Variants in ILRUN observed in about 807,000 individuals in gnomAD.
ILRUN encodes protein ILRUN.
Under a neutral mutation model 33.8 loss-of-function variants are expected in ILRUN, and 3 were observed. The observed-to-expected ratio is 0.09, with a 90% CI of 0.04 to 0.23. The LOEUF (loss-of-function observed/expected upper bound fraction) is 0.23. Among genes scored for constraint, ILRUN ranks in the 10% least tolerant of loss-of-function variants. The pLI is 1.00. For synonymous variants in ILRUN, 124 were observed against 138.9 expected, an observed-to-expected ratio of 0.89 and a Z score of 0.75; for missense variants, 210 against 375.1, an observed-to-expected ratio of 0.56 and a Z score of 3.64.
intron 3 of ILRUN, among the ~76,000 whole-genome samples, chr6:34,607,896 C>T (rs920388159): frequency 6.6e-6 from 1 of 152,058 alleles, no homozygotes; most frequent in Non-Finnish European, 1.5e-5. Flanking sequence ...AGTTTGAGAC[C>T]GTCCTGGGTG....
intron 4 of ILRUN, among the ~76,000 whole-genome samples, chr6:34,591,959 G>A (rs933615821): frequency 6.6e-6 from 1 of 152,186 alleles, no homozygotes; most frequent in Admixed American, 6.5e-5. Flanking sequence ...TTGGCTGAGT[G>A]GAAGAAGCTT....
chr6:34,649,057 G>A (rs1269334633), intron 2 of ILRUN, among the ~76,000 whole-genome samples: 4 of 152,136 alleles, frequency 2.6e-5, no homozygotes, highest in Admixed American at 2.6e-4. Flanking sequence ...TTTGGCTAGG[G>A]TCCTGCCCTT....
chr6:34,662,283 G>A (rs1484473027), intron 1 of ILRUN, among the ~76,000 whole-genome samples: 1 of 149,320 alleles, frequency 6.7e-6, no homozygotes, highest in African/African-American at 2.5e-5. Context: ...TCCAGCCTGG[G>A]TGACAGAGCA....
intron 1 of ILRUN, among the ~76,000 whole-genome samples, chr6:34,694,100 T>C (rs1029227086): frequency 2.0e-4 from 31 of 152,286 alleles, no homozygotes; most frequent in African/African-American, 7.2e-4. Context: ...GCTGGGATTA[T>C]AGGCGTGCAG....
intron 1 of ILRUN, among the ~76,000 whole-genome samples, chr6:34,683,449 T>C (rs982277292): frequency 3.8e-5 from 4 of 105,356 alleles, no homozygotes; most frequent in East Asian, 4.8e-4. Flanking sequence ...TACATATATA[T>C]ATACATATAT....
intron 3 of ILRUN, among the ~76,000 whole-genome samples, chr6:34,615,650 G>C (rs1761872269): frequency 6.6e-6 from 1 of 152,094 alleles, no homozygotes; most frequent in Admixed American, 6.6e-5. Flanking sequence ...ACTTTCTATG[G>C]AGAGAATTGA....
chr6:34,662,034 A>C (rs1367309820), intron 1 of ILRUN, among the ~76,000 whole-genome samples: 4 of 145,964 alleles, frequency 2.7e-5, no homozygotes, highest in Non-Finnish European at 4.5e-5. Context: ...CTGAGGCAGG[A>C]GAATGGCGTG....
At chr6:34,635,356 C>CCCGTCTCTAAT in intron 3 of ILRUN, among the ~76,000 whole-genome samples, 1 of 152,076 alleles carries the variant, frequency 6.6e-6, no homozygotes, top group East Asian at 1.9e-4. Context: ...ATAGCAAAAC[C>CCCGTCTCTAAT]CCGTCTCTAA....
chr6:34,681,176 C>T (rs1432335191), intron 1 of ILRUN, among the ~76,000 whole-genome samples: 1 of 151,988 alleles, frequency 6.6e-6, no homozygotes, highest in Non-Finnish European at 1.5e-5. Context: ...AGAGGCTGAC[C>T]TCTTATGAAT....
At chr6:34,676,316 T>C (rs941274185) in intron 1 of ILRUN, among the ~76,000 whole-genome samples, 15 of 151,846 alleles carry the variant, frequency 9.9e-5, no homozygotes, top group African/African-American at 2.7e-4. Flanking sequence ...GGAGGATAAT[T>C]TGAGTCTGGG....
At position 34,696,743 on chromosome 6, in the gene ILRUN, A is replaced by T. The variant is rs1387799022; in HGVS notation, c.-140T>A. The T allele has an allele frequency of 1.4e-6, 1 of 729,562 alleles. No individual in the cohort carries two copies. Among genetic ancestry groups the T allele is most frequent in the Non-Finnish European group, 2.2e-6 (1 of 457,352 alleles). The allele number at this position is 729,562 out of a possible 1,614,324, so 45.2% of individuals were successfully genotyped here. A position where few individuals can be genotyped will look rare whatever the true frequency, so the allele number is the denominator to read the frequency against. ...TTGAGGTAGGCCCCGGGCCTCTCAC[A>T]GTCTCATAGGGGTAAACTCACTCTG... is the stretch of plus-strand genomic sequence containing the variant. On this transcript the variant is annotated 5_prime_UTR_variant, in exon 1 of 5. Coordinates refer to ENST00000374023, the MANE Select transcript of ILRUN (RefSeq NM_024294.4).
At chr6:34,686,548 C>A in intron 1 of ILRUN, 1 of 183,712 alleles carries the variant, frequency 5.4e-6, no homozygotes, top group East Asian at 1.4e-4. Flanking sequence ...AAAAGACAAC[C>A]CAATTTAAAA....
In ILRUN at chr6:34,606,911, C is replaced by A. The variant is rs1272499287; in HGVS notation, c.512-7G>T. ...AGAATCACCCAGATGACATCTGAAA[C>A]AAAAAGGTAACTCATTTCAATGCCA... On this transcript the variant is annotated splice_region_variant and splice_polypyrimidine_tract_variant and intron_variant, in intron 3 of 4. Coordinates refer to ENST00000374023, the MANE Select transcript of ILRUN (RefSeq NM_024294.4). 6.3e-7 allele frequency: 1 copy of A among 1,597,212 alleles called. No homozygotes were observed.
intron 1 of ILRUN, among the ~76,000 whole-genome samples, chr6:34,677,300 C>G (rs923951603): frequency 2.0e-5 from 3 of 151,270 alleles, no homozygotes; most frequent in Non-Finnish European, 4.4e-5. Context: ...GAGGGAGACT[C>G]TGTCTCAAAG....
chr6:34,692,540 T>G (rs1489989324), intron 1 of ILRUN, among the ~76,000 whole-genome samples: 2 of 152,156 alleles, frequency 1.3e-5, no homozygotes, highest in Non-Finnish European at 2.9e-5. Context: ...GATTTTTACT[T>G]GGGCAACACA....
intron 1 of ILRUN, among the ~76,000 whole-genome samples, chr6:34,683,341 T>TTA (rs1202035018): frequency 6.7e-6 from 1 of 148,728 alleles, no homozygotes; most frequent in East Asian, 1.9e-4. Context: ...GTTTAAAGGT[T>TTA]TATATATATA....
At chr6:34,667,044 A>G (rs1445990302) in intron 1 of ILRUN, among the ~76,000 whole-genome samples, 1 of 152,214 alleles carries the variant, frequency 6.6e-6, no homozygotes, top group Non-Finnish European at 1.5e-5. Flanking sequence ...ATATACATGA[A>G]AAAAAACTAT....
intron 1 of ILRUN, among the ~76,000 whole-genome samples, chr6:34,660,287 T>G (rs1295523735): frequency 6.6e-6 from 1 of 150,864 alleles, no homozygotes; most frequent in Non-Finnish European, 1.5e-5. Flanking sequence ...TGGGCAACAG[T>G]GAGACCCTGT....
At chr6:34,671,325 G>A (rs1763113445) in intron 1 of ILRUN, among the ~76,000 whole-genome samples, 1 of 152,218 alleles carries the variant, frequency 6.6e-6, no homozygotes, top group Non-Finnish European at 1.5e-5. Flanking sequence ...GGTTGAGGTT[G>A]CAGTGAGCCA....
Sources: gnomAD v4.1 joint callset for allele counts (sites outside exome capture counted in the v4.1 genomes callset) on GRCh38, gnomAD v4.1.1 for gene constraint, MANE v1.5 for transcripts, NCBI Gene and HGNC (gene_info 2026-07-23, HGNC 2026-07-21) for gene names.